The following SMTN variants were observed in gnomAD, a reference collection of about 807,000 sequenced individuals.
The protein encoded by SMTN is smoothelin.
In SMTN, 58 loss-of-function variants were observed where a neutral mutation model predicts 102.0. The observed-to-expected ratio is 0.57, with a 90% CI of 0.46 to 0.71. SMTN has a LOEUF of 0.71. SMTN is among the 30% of genes least tolerant of loss of function. The probability of loss-of-function intolerance (pLI) is 0.00; values close to 1 mark genes in which losing one functional copy is unlikely to be tolerated. For synonymous variants in SMTN, 478 were observed against 497.9 expected (o/e 0.96, Z 0.53); for missense variants, 1,185 against 1,241.7 (o/e 0.95, Z 0.69).
chr22:31,065,259 T>C (rs1472611128), intron 1 of SMTN: 2 of 152,222 alleles, frequency 1.3e-5, no homozygotes, highest in African/African-American at 4.8e-5. Flanking sequence ...CTTTTATAAT[T>C]TTATAATAAG....
rs765159332 is a variant in SMTN at position 31,090,995 on chromosome 22, C to T, written c.972C>T (p.Phe324=). The part of the protein sequence containing the change: ...STPLASGPSS[F]QRAGSVRDRV... Reference sequence around the variant, plus strand: ...CCCTTGCCAGCGGACCTTCCTCATTCCAGCGGGCTGGCTCTGTGCGGGATC... The same window carrying T: ...CCCTTGCCAGCGGACCTTCCTCATTTCAGCGGGCTGGCTCTGTGCGGGATC... The change falls in exon 10 of 21, where the codon TTC becomes TTT. Residue 324 remains phenylalanine, a synonymous_variant. Transcript: ENST00000333137. 6.2e-7 allele frequency: 1 copy of T among 1,613,756 alleles called. No individual in the cohort carries two copies. Among genetic ancestry groups the T allele is most frequent in the Non-Finnish European group, 8.5e-7 (1 of 1,179,800 alleles).
chr22:31,084,209 C>T (rs73156781), intron 2 of SMTN, among the ~76,000 whole-genome samples: 11,470 of 152,312 alleles, frequency 0.075, 575 homozygotes, highest in Admixed American at 0.13. Context: ...CCCCAAAGGC[C>T]AGGCAGCCTG....
chr22:31,101,792 A>AC (rs2044116443), intron 20 of SMTN: 1 of 152,936 alleles, frequency 6.5e-6, no homozygotes, highest in Admixed American at 6.6e-5. Context: ...TCAAAAAAAA[A>AC]AAAAAAAAAA....
Position 31,095,210 on chromosome 22 carries a change from G to A in SMTN, c.1633-93G>A. The A allele has an allele frequency of 7.4e-7, 1 of 1,353,620 alleles. No homozygotes were observed. Among genetic ancestry groups the A allele is most frequent in the African/African-American group, 1.4e-5 (1 of 69,354 alleles). 83.9% of individuals were successfully genotyped at this position (1,353,620 alleles called of 1,614,324 possible). On this transcript the variant is annotated intron_variant, in intron 11 of 20. Coordinates refer to ENST00000333137, the MANE Select transcript of SMTN (RefSeq NM_134269.3). The surrounding 1 kb of genome is among the most constrained non-coding windows in gnomAD (Gnocchi z 4.1). ...TAGTGGTTATTTCCAAGGCGTGCCA[G>A]CAACCCTAGGATCTGCTTCCCTATC...
chr22:31,068,983 C>A (rs963709325), intron 1 of SMTN, among the ~76,000 whole-genome samples: 1 of 152,066 alleles, frequency 6.6e-6, no homozygotes, highest in African/African-American at 2.4e-5. Context: ...AAGGCAGAGG[C>A]CAGGGGAGAG....
upstream of SMTN, among the ~76,000 whole-genome samples, chr22:31,078,740 G>A (rs1000664775): frequency 1.1e-4 from 17 of 152,184 alleles, no homozygotes; most frequent in Admixed American, 2.0e-4. Context: ...TTAGCTGGGC[G>A]TGGTGGTGTG....
upstream of SMTN, among the ~76,000 whole-genome samples, chr22:31,078,240 C>T (rs1236166962): frequency 6.6e-6 from 1 of 152,220 alleles, no homozygotes; most frequent in Non-Finnish European, 1.5e-5. Flanking sequence ...TGACCCAAGG[C>T]CTGGGCTTTC....
At chr22:31,084,913 G>C (rs1433473729) in intron 2 of SMTN, 14 of 1,312,420 alleles carry the variant, frequency 1.1e-5, no homozygotes, top group African/African-American at 3.1e-5. Context: ...TGGCAAGAAC[G>C]GGGGCGTCCC....
intron 19 of SMTN, 88 bp downstream of exon 19, chr22:31,099,984 A>G: frequency 7.5e-7 from 1 of 1,341,706 alleles, no homozygotes; most frequent in Non-Finnish European, 1.0e-6. Context: ...GAACCCCTGG[A>G]GCGGGCCAGC....
chr22:31,084,918 C>G, intron 2 of SMTN: 1 of 1,314,932 alleles, frequency 7.6e-7, no homozygotes, highest in Non-Finnish European at 9.8e-7. Flanking sequence ...AGAACGGGGG[C>G]GTCCCGAGCC....
chr22:31,100,151 T>A (rs1440052958), intron 19 of SMTN, among the ~76,000 whole-genome samples: 3 of 151,376 alleles, frequency 2.0e-5, no homozygotes, highest in African/African-American at 7.3e-5. Context: ...GGTGGCCCTG[T>A]CCATATCCCC....
chr22:31,097,184 T>TCAC, intron 15 of SMTN, 85 bp from the exon 16 acceptor site: 3 of 1,494,672 alleles, frequency 2.0e-6, no homozygotes, highest in Non-Finnish European at 2.8e-6. Flanking sequence ...CCTGCGGCTA[T>TCAC]CACCACCCCT....
At chr22:31,079,356 C>A (rs558121112), upstream of SMTN, among the ~76,000 whole-genome samples, 1 of 152,324 alleles carries the variant, frequency 6.6e-6, no homozygotes, top group East Asian at 1.9e-4. Flanking sequence ...ACCCACACAT[C>A]CCTTCCATAG....
At position 31,083,217 on chromosome 22, in the gene SMTN, G is replaced by C. The variant is rs1368378752; in HGVS notation, c.-42G>C. The C allele has an allele frequency of 6.3e-7, 1 of 1,592,208 alleles. No individual in the cohort carries two copies. Among genetic ancestry groups the C allele is most frequent in the African/African-American group, 1.3e-5 (1 of 74,852 alleles). On this transcript the variant is annotated 5_prime_UTR_variant, in exon 2 of 21. Transcript: ENST00000333137. ...GGTGACAGGTGCCACAGGCACTGGG[G>C]ATCTCACCAGAAAGGAACCGACGGA...
intron 1 of SMTN, among the ~76,000 whole-genome samples, chr22:31,071,365 G>A (rs544531241): frequency 6.6e-6 from 1 of 152,158 alleles, no homozygotes; most frequent in Admixed American, 6.6e-5. Context: ...GGGCATCATG[G>A]CTCACACCTG....
intron 11 of SMTN, among the ~76,000 whole-genome samples, chr22:31,092,724 G>A (rs2043229843): frequency 6.6e-6 from 1 of 152,240 alleles, no homozygotes; most frequent in South Asian, 2.1e-4. Context: ...GACCCGCTGA[G>A]GCCCTTGAGG....
At chr22:31,072,823 A>G (rs1053862704) in intron 1 of SMTN, among the ~76,000 whole-genome samples, 5 of 151,184 alleles carry the variant, frequency 3.3e-5, no homozygotes, top group Admixed American at 2.0e-4. Flanking sequence ...GCAGTGGGCA[A>G]TCTCTGCTTA....
At chr22:31,092,960 AT>A in intron 11 of SMTN, among the ~76,000 whole-genome samples, 1 of 152,160 alleles carries the variant, frequency 6.6e-6, no homozygotes, top group Non-Finnish European at 1.5e-5. Flanking sequence ...CATTTCCCCC[AT>A]CTGTTCCAGC....
intron 2 of SMTN, chr22:31,085,257 C>A (rs1275529686): frequency 1.3e-6 from 2 of 1,519,426 alleles, no homozygotes; most frequent in East Asian, 5.1e-5. Flanking sequence ...TGTCTTCCTA[C>A]CTGGCTACCC....
Sources: allele counts gnomAD v4.1 joint callset (sites outside exome capture counted in the v4.1 genomes callset), GRCh38; gene constraint gnomAD v4.1.1; non-coding constraint Gnocchi (gnomAD v3.1); transcripts MANE v1.5; gene names NCBI Gene and HGNC (gene_info 2026-07-23, HGNC 2026-07-21).